The following DDX5 variants were observed in gnomAD, a reference collection of about 807,000 sequenced individuals.
The protein encoded by DDX5 is probable ATP-dependent RNA helicase DDX5.
DDX5 carries 6 observed loss-of-function variants against 68.6 expected under a neutral mutation model. The ratio of observed to expected loss-of-function variants is 0.09; its 90% CI spans 0.05 to 0.17. DDX5 has a LOEUF of 0.17. Ranked by LOEUF, DDX5 falls within the 10% of genes least tolerant of loss-of-function variation. The pLI, the probability that DDX5 is intolerant of heterozygous loss-of-function variation, is 1.00. For missense variants in DDX5, 499 were observed against 756.1 expected (o/e 0.66, Z 3.99); for synonymous variants, 350 against 247.0 (o/e 1.42, Z -3.91).
intron 11 of DDX5, 114 bp downstream of exon 11, chr17:64,501,896 A>G: frequency 9.1e-7 from 1 of 1,093,622 alleles, no homozygotes; most frequent in Admixed American, 1.9e-5. Flanking sequence ...CAGCACCTTT[A>G]TGTGAAAAAA....
chr17:64,503,958 A>C (rs2038361869), intron 4 of DDX5, 25 bp downstream of exon 4: 1 of 1,613,990 alleles, frequency 6.2e-7, no homozygotes, highest in African/African-American at 1.3e-5. Context: ...ATATCAGATC[A>C]ACTCAAGAGT....
intron 2 of DDX5, 177 bp downstream of exon 2, chr17:64,504,500 T>A (rs898998459): frequency 1.1e-6 from 1 of 951,146 alleles, no homozygotes; most frequent in Non-Finnish European, 1.5e-6. Context: ...TCAACCTAAT[T>A]TAAGTAAAAA....
chr17:64,505,813 C>G, intron 1 of DDX5: 3 of 1,536,192 alleles, frequency 2.0e-6, no homozygotes, highest in Non-Finnish European at 2.6e-6. Flanking sequence ...TCCCTCTCAA[C>G]TCCCTCAACA....
At chr17:64,503,700 G>T in intron 5 of DDX5, 103 bp downstream of exon 5, 1 of 1,524,054 alleles carries the variant, frequency 6.6e-7, no homozygotes, top group African/African-American at 1.4e-5. Flanking sequence ...AATAGGGTGA[G>T]CTAACCTCTA....
intron 9 of DDX5, 99 bp downstream of exon 9, chr17:64,502,340 C>T (rs2038317482): frequency 1.4e-6 from 2 of 1,460,232 alleles, no homozygotes; most frequent in Non-Finnish European, 1.9e-6. Context: ...AAGTTAAATT[C>T]ACTATCAGAT....
At chr17:64,504,142 A>G in intron 3 of DDX5, 26 bp from the exon 4 acceptor site, 1 of 1,613,790 alleles carries the variant, frequency 6.2e-7, no homozygotes, top group Non-Finnish European at 8.5e-7. Flanking sequence ...GATATTTAGT[A>G]AAAATTAGTG....
rs191486624 is a variant in DDX5, at chr17:64,498,840, T to C, written c.*1083A>G. Among the ~76,000 whole-genome samples, 10 of 152,322 alleles carry C rather than the reference T, an allele frequency of 6.6e-5. No individual in the cohort carries two copies. In the East Asian group the frequency reaches 1.2e-3, roughly 18 times the overall value. On this transcript the variant is annotated 3_prime_UTR_variant, in exon 13 of 13. Coordinates refer to ENST00000225792, the MANE Select transcript of DDX5 (RefSeq NM_004396.5). The stretch of plus-strand genomic sequence containing the variant: ...CTGGATCTTTCTAGCAATAAACCCA[T>C]GTTGAACCTACCATGAAAACTTTCA...
chr17:64,499,819 T>C lies in DDX5; in HGVS notation c.*104A>G. On this transcript the variant is annotated 3_prime_UTR_variant, in exon 13 of 13. Transcript: ENST00000225792. ...CACCATAATTACTGCTGCACTGCAG[T>C]CATTTCTGCAATTCCCATGTTTCTT... The C allele has an allele frequency of 9.0e-7, 1 of 1,115,474 alleles. No homozygotes were observed. The highest frequency in any genetic ancestry group is 1.2e-6 in the Non-Finnish European group (1 of 810,282). 69.1% of individuals were successfully genotyped at this position (1,115,474 alleles called of 1,614,324 possible).
At chr17:64,502,321 G>C in intron 9 of DDX5, 98 bp from the exon 10 acceptor site, 1 of 1,491,066 alleles carries the variant, frequency 6.7e-7, no homozygotes, top group Non-Finnish European at 9.3e-7. Context: ...AATTTCGCCA[G>C]AAATGAAAAA....
intron 1 of DDX5, chr17:64,505,420 A>T: frequency 1.9e-6 from 1 of 539,888 alleles, no homozygotes. Context: ...AAAAAAGAAA[A>T]GGAGGAGCCG....
In DDX5 at chr17:64,503,597, C is replaced by G. The variant is rs554245911; in HGVS notation, c.508-26G>C. On this transcript the variant is annotated intron_variant, in intron 5 of 12. Coordinates refer to ENST00000225792, the MANE Select transcript of DDX5 (RefSeq NM_004396.5). ...CTAAGGAAAGAGAAACAGCTTTCAG[C>G]ACAAACCTGGATACTAGTTTTAAAC... 3.1e-6 allele frequency: 5 copies of G among 1,612,146 alleles called. No homozygotes were observed. The South Asian group carries it at 5.5e-5, about 18-fold the overall frequency.
Position 64,499,877 on chromosome 17 carries a change from A to G in DDX5, c.*46T>C. 1 of 1,494,372 alleles carries G rather than the reference A, an allele frequency of 6.7e-7. No individual in the cohort carries two copies. The highest frequency in any genetic ancestry group is 9.0e-7 in the Non-Finnish European group (1 of 1,116,136). The allele number at this position is 1,494,372 out of a possible 1,614,324, so 92.6% of individuals were successfully genotyped here. A position where few individuals can be genotyped will look rare whatever the true frequency, so the allele number is the denominator to read the frequency against. On this transcript the variant is annotated 3_prime_UTR_variant, in exon 13 of 13. Transcript: ENST00000225792. Reference sequence around the variant, plus strand: ...TATCTTGTCAGATAACACACAATATAAAGAGCAATTATGAAAAACAGACAT... The same window carrying G: ...TATCTTGTCAGATAACACACAATATGAAGAGCAATTATGAAAAACAGACAT...
Position 64,499,723 on chromosome 17 carries a change from C to A in DDX5, c.*200G>T. 2.1e-6 allele frequency: 1 copy of A among 478,212 alleles called. No homozygotes were observed. 29.6% of individuals were successfully genotyped at this position (478,212 alleles called of 1,614,324 possible). A position where few individuals can be genotyped will look rare whatever the true frequency, so the allele number is the denominator to read the frequency against. ...TTTGTGAAAACACTGCCTGCATTTTCTAGTACAAAAAAAACCTAAAAATTG... is the reference window on the plus strand; with the variant it reads ...TTTGTGAAAACACTGCCTGCATTTTATAGTACAAAAAAAACCTAAAAATTG... On this transcript the variant is annotated 3_prime_UTR_variant, in exon 13 of 13. Coordinates refer to ENST00000225792, the MANE Select transcript of DDX5 (RefSeq NM_004396.5).
In DDX5 at chr17:64,506,264, T is replaced by C. The variant is rs554113724; in HGVS notation, c.-145A>G. The C allele has an allele frequency of 2.3e-5, 35 of 1,539,210 alleles. No individual in the cohort carries two copies. The highest frequency in any genetic ancestry group is 8.2e-5 in the African/African-American group (6 of 72,992). On this transcript the variant is annotated 5_prime_UTR_variant, in exon 1 of 13. Transcript: ENST00000225792. ...ATGACACCAGCCGAAGCTGCACTAC[T>C]AGAGACCGGTAGAAATGAATGAGGT...
intron 1 of DDX5, 44 bp downstream of exon 1, chr17:64,506,032 A>G (rs782137069): frequency 1.1e-5 from 5 of 449,542 alleles, no homozygotes; most frequent in Non-Finnish European, 1.2e-5. Context: ...CCGCCCTCCC[A>G]TCCCCCCACC....
chr17:64,502,629 CAT>C, intron 8 of DDX5, 80 bp from the exon 9 acceptor site: 1 of 1,038,936 alleles, frequency 9.6e-7, no homozygotes, highest in Non-Finnish European at 1.4e-6. Flanking sequence ...GTCAGCAAAA[CAT>C]TAAGTTCAAT....
upstream of DDX5, chr17:64,506,811 G>T (rs1340009647): frequency 1.7e-6 from 1 of 573,812 alleles, no homozygotes; most frequent in African/African-American, 1.9e-5. Flanking sequence ...GATGTGGACC[G>T]TCCGACCCGC....
intron 1 of DDX5, 163 bp downstream of exon 1, chr17:64,505,913 A>C: frequency 2.0e-6 from 3 of 1,534,284 alleles, no homozygotes; most frequent in Non-Finnish European, 1.7e-6. Flanking sequence ...TCTTCCAATC[A>C]CTGTGACGTG....
At position 64,506,130 on chromosome 17, in the gene DDX5, G is replaced by C. The variant is rs1274152293; in HGVS notation, c.-11C>G. The C allele has an allele frequency of 2.2e-5, 35 of 1,610,724 alleles. No individual in the cohort carries two copies. Among genetic ancestry groups the C allele is most frequent in the Non-Finnish European group, 2.9e-5 (34 of 1,178,794 alleles). Reference sequence around the variant, plus strand: ...CGAATAACCCGACATGGCGTCAATGGTTGCGGTTGGCGGGGAACGAAGTAT... The same window carrying C: ...CGAATAACCCGACATGGCGTCAATGCTTGCGGTTGGCGGGGAACGAAGTAT... On this transcript the variant is annotated 5_prime_UTR_variant, in exon 1 of 13. Transcript: ENST00000225792.
Sources: allele counts gnomAD v4.1 joint callset (sites outside exome capture counted in the v4.1 genomes callset), GRCh38; gene constraint gnomAD v4.1.1; transcripts MANE v1.5; gene names NCBI Gene and HGNC (gene_info 2026-07-23, HGNC 2026-07-21).